YEATS2: variants seen among roughly 807,000 people sequenced by gnomAD.
The protein encoded by YEATS2 is YEATS domain containing 2.
Under a neutral mutation model 163.2 loss-of-function variants are expected in YEATS2, and 77 were observed. The observed-to-expected ratio is 0.47, with a 90% CI of 0.39 to 0.57. The LOEUF is 0.57. YEATS2 is among the 20% of genes least tolerant of loss of function. YEATS2 has a pLI of 0.00. For synonymous variants in YEATS2, 631 were observed against 645.1 expected (o/e 0.98, Z 0.33); for missense variants, 1,549 against 1,729.8 (o/e 0.90, Z 1.85).
chr3:183,787,130 A>G (rs1218509129), intron 20 of YEATS2, among the ~76,000 whole-genome samples: 10 of 151,862 alleles, frequency 6.6e-5, no homozygotes. Flanking sequence ...AATTTTTTGT[A>G]TTTTAGTAGA....
chr3:183,782,407 C>T (rs1421458006), intron 19 of YEATS2, among the ~76,000 whole-genome samples: 2 of 151,444 alleles, frequency 1.3e-5, no homozygotes, highest in Admixed American at 6.6e-5. Flanking sequence ...CCGCGCCTGG[C>T]CAATTCTTGA....
intron 14 of YEATS2, 69 bp downstream of exon 14, chr3:183,761,683 A>G (rs1721368639): frequency 7.2e-7 from 1 of 1,380,666 alleles, no homozygotes; most frequent in South Asian, 1.2e-5. Flanking sequence ...GTTCATTGCC[A>G]CTACCCCTAC....
chr3:183,806,721 A>G (rs1391559776), intron 27 of YEATS2, 145 bp from the exon 28 acceptor site: 1 of 743,938 alleles, frequency 1.3e-6, no homozygotes, highest in Non-Finnish European at 2.2e-6. Context: ...TCTCATCATT[A>G]TAGATCCATA....
rs1220057722 is a variant in YEATS2, at chr3:183,752,239, C to G, written c.1136C>G (p.Thr379Ser). 1 of 1,614,062 alleles carries G rather than the reference C, an allele frequency of 6.2e-7. No homozygotes were observed. The highest frequency in any genetic ancestry group is 8.5e-7 in the Non-Finnish European group (1 of 1,180,046). ...CAGTCACATGAGCCAGTACCCGATA[C>G]CTCTGTGGAGAAAGGTAATACAGCA... ...IKQSHEPVPD[T>S]SVEKGFPAST... The change falls in exon 10 of 31, where the codon ACC becomes AGC. Residue 379 changes from threonine to serine, a missense_variant. Physicochemically the swap from Thr to Ser is moderately conservative, Grantham distance 58. Transcript: ENST00000305135.
chr3:183,718,523 G>A lies in YEATS2; in HGVS notation c.222G>A (p.Met74Ile). 2 of 1,612,864 alleles carry A rather than the reference G, an allele frequency of 1.2e-6. No homozygotes were observed. Among genetic ancestry groups the A allele is most frequent in the South Asian group, 1.1e-5 (1 of 90,732 alleles). The change falls in exon 4 of 31, where the codon ATG becomes ATA. Residue 74 changes from methionine to isoleucine, a missense_variant. Met to Ile is a conservative substitution (Grantham distance 10). Coordinates refer to ENST00000305135, the MANE Select transcript of YEATS2 (RefSeq NM_018023.5). ...IDQRLIEARR[M>I]MDKLRACIVA... is the part of the protein sequence containing the mutation. ...AGCGACTGATTGAAGCAAGAAGGAT[G>A]ATGGATAAACTGCGTGCCTGCATTG... is the stretch of plus-strand genomic sequence containing the variant.
Position 183,799,431 on chromosome 3 carries a change from A to C in YEATS2, c.3325+442A>C, listed in dbSNP as rs75643576. Among the ~76,000 whole-genome samples the C allele has an allele frequency of 7.5e-3, 1,147 of 152,174 alleles. 41 individuals are homozygous for C. In the East Asian group the frequency reaches 0.11, roughly 14 times the overall value. On this transcript the variant is annotated intron_variant, in intron 23 of 30. Transcript: ENST00000305135. ...GAGTAGAGGTTTTTTAGCTGTGGGG[A>C]GTCAAGGGGTAGGCCAGATTAAGGG...
intron 7 of YEATS2, among the ~76,000 whole-genome samples, chr3:183,733,869 G>A (rs1457123642): frequency 1.3e-5 from 2 of 151,904 alleles, no homozygotes; most frequent in Non-Finnish European, 2.9e-5. Context: ...GTACAAGATA[G>A]TGGTGACTAG....
chr3:183,759,701 C>T (rs1321488489), intron 13 of YEATS2, among the ~76,000 whole-genome samples: 1 of 152,300 alleles, frequency 6.6e-6, no homozygotes. Context: ...TCGACTTTAC[C>T]GTGGTGCAAA....
intron 29 of YEATS2, chr3:183,808,812 C>T (rs576147153): frequency 7.2e-5 from 20 of 279,288 alleles, no homozygotes; most frequent in South Asian, 5.5e-4. Flanking sequence ...GCCAAGATCG[C>T]GCCACTGCGC....
At position 183,810,657 on chromosome 3, in the gene YEATS2, GA is replaced by G; in HGVS notation, c.*76del. On this transcript the variant is annotated 3_prime_UTR_variant, in exon 31 of 31. Transcript: ENST00000305135. ...TGTAACTGAGGACCCTGCTGCTCGGGAAGGAGGTGGTTTCCAGTGTGACTCG... is the reference window on the plus strand; with the variant it reads ...TGTAACTGAGGACCCTGCTGCTCGGGAGGAGGTGGTTTCCAGTGTGACTCG... 7.2e-7 allele frequency: 1 copy of G among 1,382,704 alleles called. No homozygotes were observed. Among genetic ancestry groups the G allele is most frequent in the Non-Finnish European group, 1.0e-6 (1 of 985,860 alleles). The allele number at this position is 1,382,704 out of a possible 1,614,324, so 85.7% of individuals were successfully genotyped here. A position where few individuals can be genotyped will look rare whatever the true frequency, so the allele number is the denominator to read the frequency against.
chr3:183,775,772 A>C, intron 17 of YEATS2, 143 bp from the exon 18 acceptor site: 1 of 1,213,870 alleles, frequency 8.2e-7, no homozygotes, highest in African/African-American at 1.5e-5. Flanking sequence ...CAGGGTAGGT[A>C]GATTACAGAA....
chr3:183,761,057 A>G (rs1332704670), intron 13 of YEATS2, among the ~76,000 whole-genome samples: 1 of 152,064 alleles, frequency 6.6e-6, no homozygotes, highest in Non-Finnish European at 1.5e-5. Flanking sequence ...GCAGGTGTAG[A>G]GGCTTGGAAG....
chr3:183,746,927 T>G (rs1456707116), intron 8 of YEATS2, among the ~76,000 whole-genome samples: 1 of 152,058 alleles, frequency 6.6e-6, no homozygotes, highest in East Asian at 1.9e-4. Flanking sequence ...TTCTACCCAA[T>G]TTAATACTTT....
intron 20 of YEATS2, among the ~76,000 whole-genome samples, chr3:183,789,722 G>A (rs1193011929): frequency 1.4e-5 from 2 of 147,488 alleles, no homozygotes; most frequent in Non-Finnish European, 3.0e-5. Flanking sequence ...TTTTGTATTA[G>A]TAGAGATGGG....
chr3:183,807,154 T>G, intron 28 of YEATS2, 62 bp downstream of exon 28: 4 of 1,484,234 alleles, frequency 2.7e-6, no homozygotes, highest in East Asian at 2.4e-5. Flanking sequence ...TGTTCAGACG[T>G]TCAGCTTCAC....
chr3:183,778,223 A>C (rs16858096), intron 19 of YEATS2, among the ~76,000 whole-genome samples: 6,052 of 152,126 alleles, frequency 0.04, 312 homozygotes, highest in East Asian at 0.14. Context: ...AAAATTAAGG[A>C]CCCAGGTGTT....
chr3:183,751,988 C>G, intron 9 of YEATS2, 85 bp from the exon 10 acceptor site: 6 of 1,453,988 alleles, frequency 4.1e-6, no homozygotes, highest in Non-Finnish European at 5.7e-6. Flanking sequence ...TCTCACATCC[C>G]GGAGATTACA....
chr3:183,752,394 G>A, intron 10 of YEATS2, 141 bp downstream of exon 10: 1 of 1,070,758 alleles, frequency 9.3e-7, no homozygotes, highest in Non-Finnish European at 1.3e-6. Context: ...TGTTATGAAA[G>A]CCAAATTTCC....
Position 183,799,570 on chromosome 3 carries a change from C to T in YEATS2, c.3325+581C>T, listed in dbSNP as rs899990057. On this transcript the variant is annotated intron_variant, in intron 23 of 30. Coordinates refer to ENST00000305135, the MANE Select transcript of YEATS2 (RefSeq NM_018023.5). ...GGTTTAGGTAGGGGCCAGACTTTGG[C>T]GAGCTGTCAGTGGGAGACATGCCTG... 2.6e-5 allele frequency among the ~76,000 whole-genome samples: 4 copies of T among 152,100 alleles called. No individual in the cohort carries two copies. In the East Asian group the frequency reaches 7.7e-4, roughly 29 times the overall value.
Sources: gnomAD v4.1 joint callset for allele counts (sites outside exome capture counted in the v4.1 genomes callset) on GRCh38, gnomAD v4.1.1 for gene constraint, MANE v1.5 for transcripts, NCBI Gene and HGNC (gene_info 2026-07-23, HGNC 2026-07-21) for gene names.